EYA1: variants seen among roughly 807,000 people sequenced by gnomAD.
EYA1 encodes protein phosphatase EYA1.
EYA1 carries 16 observed loss-of-function variants against 82.0 expected under a neutral mutation model. The observed-to-expected ratio is 0.20, with a 90% CI of 0.13 to 0.30. The LOEUF (loss-of-function observed/expected upper bound fraction) is 0.30, where lower values mean the gene tolerates loss of function less well. EYA1 is among the 10% of genes least tolerant of loss of function. The probability of loss-of-function intolerance (pLI) is 1.00; values close to 1 mark genes in which losing one functional copy is unlikely to be tolerated. For synonymous variants in EYA1, 261 were observed against 264.4 expected, an observed-to-expected ratio of 0.99 and a Z score of 0.12; for missense variants, 633 against 730.7, an observed-to-expected ratio of 0.87 and a Z score of 1.54.
At chr8:71,500,908 A>G (rs1811765425) in intron 2 of EYA1, among the ~76,000 whole-genome samples, 1 of 152,190 alleles carries the variant, frequency 6.6e-6, no homozygotes, top group Non-Finnish European at 1.5e-5. Context: ...GTCAGTCCCC[A>G]ACTTAAGCCA....
chr8:71,346,431 A>AATATATATAATATATATATATATATATAT (rs770393582), intron 3 of EYA1, among the ~76,000 whole-genome samples: 4 of 105,490 alleles, frequency 3.8e-5, no homozygotes, highest in African/African-American at 1.4e-4. Context: ...TACTGCAGTG[A>AATATATATAATATATATATATATATATAT]ATATATATAT....
chr8:71,278,535 A>G (rs1817458871), intron 9 of EYA1, among the ~76,000 whole-genome samples: 1 of 152,232 alleles, frequency 6.6e-6, no homozygotes, highest in Non-Finnish European at 1.5e-5. Flanking sequence ...AGATGCTTAT[A>G]TATTTGCTTA....
chr8:71,329,199 C>T lies in EYA1; in HGVS notation c.202+4898G>A, dbSNP rs1823519048. Among the ~76,000 whole-genome samples, 3 of 152,262 alleles carry T rather than the reference C, an allele frequency of 2.0e-5. No homozygotes were observed. The South Asian group carries it at 6.2e-4, about 32-fold the overall frequency. Reference sequence around the variant, plus strand: ...CTTTGTTCTCATTTCATGTGTTCTCCAACCTCATCAAGAGATGAAGAACCC... The same window carrying T: ...CTTTGTTCTCATTTCATGTGTTCTCTAACCTCATCAAGAGATGAAGAACCC... On this transcript the variant is annotated intron_variant, in intron 4 of 17. Transcript: ENST00000340726.
Position 71,269,747 on chromosome 8 carries a change from T to A in EYA1, c.1043A>T (p.Tyr348Phe), listed in dbSNP as rs1816290423. ...ATGCCTCTTGGTACTCACCCTCCCATATCTGTTGGCGTAGGACCCAGTAAG... is the reference window on the plus strand; with the variant it reads ...ATGCCTCTTGGTACTCACCCTCCCAAATCTGTTGGCGTAGGACCCAGTAAG... ...SLLTGSYANR[Y>F]GRDPPTSVSL... The change falls in exon 11 of 18, where the codon TAT (tyrosine) becomes TTT (phenylalanine). Residue 348 changes from tyrosine to phenylalanine, a missense_variant. Physicochemically the swap from Tyr to Phe is conservative, Grantham distance 22. Transcript: ENST00000340726. The A allele has an allele frequency of 2.5e-6, 4 of 1,613,284 alleles. No individual in the cohort carries two copies. The highest frequency in any genetic ancestry group is 3.4e-6 in the Non-Finnish European group (4 of 1,179,330).
chr8:71,415,783 G>C (rs995826532), intron 2 of EYA1, among the ~76,000 whole-genome samples: 49 of 152,322 alleles, frequency 3.2e-4, no homozygotes, highest in African/African-American at 1.2e-3. Flanking sequence ...TAGAACAAAA[G>C]ATAGCTGAAA....
At chr8:71,325,644 G>A (rs12682640) in intron 4 of EYA1, among the ~76,000 whole-genome samples, 1 of 151,964 alleles carries the variant, frequency 6.6e-6, no homozygotes, top group African/African-American at 2.4e-5. Context: ...ACTTAGTTCT[G>A]TGGCAATATA....
At chr8:71,482,808 T>C (rs1202545882) in intron 2 of EYA1, among the ~76,000 whole-genome samples, 1 of 152,202 alleles carries the variant, frequency 6.6e-6, no homozygotes, top group Non-Finnish European at 1.5e-5. Flanking sequence ...AGGATTCCTA[T>C]TTACATGAAA....
intron 2 of EYA1, among the ~76,000 whole-genome samples, chr8:71,396,204 A>C (rs968598709): frequency 6.6e-6 from 1 of 151,802 alleles, no homozygotes; most frequent in African/African-American, 2.4e-5. Flanking sequence ...TAGTCTTTCT[A>C]GCGGTCTATT....
At chr8:71,456,340 T>C (rs1807907802) in intron 2 of EYA1, among the ~76,000 whole-genome samples, 1 of 152,162 alleles carries the variant, frequency 6.6e-6, no homozygotes, top group Non-Finnish European at 1.5e-5. Flanking sequence ...GCCAAGGTAA[T>C]TTATAGATTT....
At chr8:71,531,923 C>G (rs1296573966) in intron 2 of EYA1, among the ~76,000 whole-genome samples, 1 of 152,168 alleles carries the variant, frequency 6.6e-6, no homozygotes, top group East Asian at 1.9e-4. Context: ...ATAAGCAGAA[C>G]CTTCCAGAAT....
At chr8:71,221,089 G>T (rs1178505326) in intron 12 of EYA1, among the ~76,000 whole-genome samples, 2 of 152,214 alleles carry the variant, frequency 1.3e-5, no homozygotes. Flanking sequence ...GCCAGAGAGA[G>T]TTGCAAAGGT....
At chr8:71,384,018 A>C (rs1019912430) in intron 2 of EYA1, among the ~76,000 whole-genome samples, 2 of 151,268 alleles carry the variant, frequency 1.3e-5, no homozygotes, top group Admixed American at 6.6e-5. Flanking sequence ...TACTATCTTT[A>C]CTTTTTTTTT....
intron 2 of EYA1, among the ~76,000 whole-genome samples, chr8:71,483,619 A>T (rs934904720): frequency 6.6e-6 from 1 of 151,292 alleles, no homozygotes; most frequent in Non-Finnish European, 1.5e-5. Context: ...AAACATCAGG[A>T]TGTGGGAAGA....
intron 12 of EYA1, among the ~76,000 whole-genome samples, chr8:71,233,145 A>G (rs1811395993): frequency 6.6e-6 from 1 of 152,220 alleles, no homozygotes; most frequent in South Asian, 2.1e-4. Context: ...TACATTCAGC[A>G]TTTTCCTAAT....
chr8:71,540,948 T>G (rs922471849), intron 1 of EYA1, among the ~76,000 whole-genome samples: 4 of 151,612 alleles, frequency 2.6e-5, no homozygotes, highest in African/African-American at 9.7e-5. Context: ...AATCAAGGGG[T>G]TTCTAAGAAA....
At chr8:71,232,872 C>A (rs985920364) in intron 12 of EYA1, among the ~76,000 whole-genome samples, 1 of 152,146 alleles carries the variant, frequency 6.6e-6, no homozygotes, top group South Asian at 2.1e-4. Flanking sequence ...TGGACAATAA[C>A]AGCAGCATAG....
rs754431316 is a variant in EYA1, at chr8:71,206,369, G to GC, written c.1698+4786dup. ...CTCCAGTAGCTTAGGACTACAGGCA[G>GC]CACCACTATGCTGGGCTAATTTTTG... On this transcript the variant is annotated intron_variant, in intron 17 of 17. Transcript: ENST00000340726. 4.5e-4 allele frequency among the ~76,000 whole-genome samples: 68 copies of GC among 152,000 alleles called. 1 individual carries two copies. Among genetic ancestry groups the GC allele is most frequent in the South Asian group, 8.4e-4 (4 of 4,790 alleles).
At chr8:71,240,989 A>T (rs1021958018) in intron 12 of EYA1, among the ~76,000 whole-genome samples, 2 of 152,234 alleles carry the variant, frequency 1.3e-5, no homozygotes, top group African/African-American at 4.8e-5. Flanking sequence ...ACTTCCATAT[A>T]GGCATCATCG....
At chr8:71,383,543 A>C (rs1037918079) in intron 2 of EYA1, among the ~76,000 whole-genome samples, 1 of 152,170 alleles carries the variant, frequency 6.6e-6, no homozygotes, top group Non-Finnish European at 1.5e-5. Context: ...AGCTACATAC[A>C]TCAATATGAG....
Sources: gnomAD v4.1 joint callset for allele counts (sites outside exome capture counted in the v4.1 genomes callset) on GRCh38, gnomAD v4.1.1 for gene constraint, MANE v1.5 for transcripts, NCBI Gene and HGNC (gene_info 2026-07-23, HGNC 2026-07-21) for gene names.